ZNF678: variants seen among roughly 807,000 people sequenced by gnomAD.
The protein encoded by ZNF678 is zinc finger protein 678.
ZNF678 carries 5 observed loss-of-function variants against 3.0 expected under a neutral mutation model. The ratio of observed to expected loss-of-function variants is 1.69; its 90% CI spans 0.88 to 3.56. The LOEUF (loss-of-function observed/expected upper bound fraction) is 3.56, where lower values mean the gene tolerates loss of function less well. Among genes scored for constraint, ZNF678 ranks in the 30% most tolerant of loss-of-function variants. The probability of loss-of-function intolerance (pLI) is 0.00; values close to 1 mark genes in which losing one functional copy is unlikely to be tolerated. For synonymous variants in ZNF678, 218 were observed against 199.6 expected, an observed-to-expected ratio of 1.09 and a Z score of -0.78; for missense variants, 593 against 605.0, an observed-to-expected ratio of 0.98 and a Z score of 0.21.
rs368638184 is a variant in ZNF678 at position 227,615,426 on chromosome 1, T to G, written c.-163-31118T>G. Among the ~76,000 whole-genome samples, 65 of 152,292 alleles carry G rather than the reference T, an allele frequency of 4.3e-4. 1 individual carries two copies. The South Asian group carries it at 0.013, about 31-fold the overall frequency. Reference sequence around the variant, plus strand: ...GACAAGACCCAAAACTCAGGCTTGATCGGGCCACCTCCAAAATCAAGCTTT... The same window carrying G: ...GACAAGACCCAAAACTCAGGCTTGAGCGGGCCACCTCCAAAATCAAGCTTT... On this transcript the variant is annotated intron_variant, in intron 1 of 3. Transcript: ENST00000343776.
At position 227,568,739 on chromosome 1, in the gene ZNF678, A is replaced by G. The variant is rs1281855509; in HGVS notation, c.-164+5015A>G. On this transcript the variant is annotated intron_variant, in intron 1 of 3. Coordinates refer to ENST00000343776, the MANE Select transcript of ZNF678 (RefSeq NM_001367909.1). ...TATAGGTGGGTCCCTGGTGCATGTG[A>G]CTGGCCTTTGAAGTGTGGGCAGTGA... Among the ~76,000 whole-genome samples the G allele has an allele frequency of 2.0e-5, 3 of 152,152 alleles. No homozygotes were observed. The East Asian group carries it at 5.8e-4, about 29-fold the overall frequency.
At chr1:227,619,839 A>G (rs900384972) in intron 1 of ZNF678, among the ~76,000 whole-genome samples, 24 of 152,330 alleles carry the variant, frequency 1.6e-4, no homozygotes, top group Middle Eastern at 3.4e-3. Flanking sequence ...GAGCAGTTGG[A>G]TATAAATAAC....
chr1:227,629,878 C>T (rs1410577792), intron 1 of ZNF678, among the ~76,000 whole-genome samples: 5 of 152,116 alleles, frequency 3.3e-5, no homozygotes, highest in Non-Finnish European at 5.9e-5. Context: ...TTCAATTTGC[C>T]CAGCCTTTCC....
At chr1:227,575,939 A>G (rs1274002663) in intron 1 of ZNF678, among the ~76,000 whole-genome samples, 2 of 152,072 alleles carry the variant, frequency 1.3e-5, no homozygotes, top group African/African-American at 4.8e-5. Flanking sequence ...GTTTATTGAG[A>G]GTTTTAATCA....
intron 1 of ZNF678, among the ~76,000 whole-genome samples, chr1:227,615,879 A>G (rs2102765039): frequency 6.6e-6 from 1 of 152,036 alleles, no homozygotes; most frequent in East Asian, 1.9e-4. Context: ...TTCTTTTCTC[A>G]CCATTGGTAA....
intron 1 of ZNF678, among the ~76,000 whole-genome samples, chr1:227,570,456 G>C (rs1656809768): frequency 6.6e-6 from 1 of 152,116 alleles, no homozygotes; most frequent in African/African-American, 2.4e-5. Context: ...TAATCAAAGG[G>C]CCTGTCTTCT....
At position 227,600,030 on chromosome 1, in the gene ZNF678, T is replaced by C. The variant is rs114386837; in HGVS notation, c.-164+36306T>C. 4.0e-3 allele frequency among the ~76,000 whole-genome samples: 606 copies of C among 152,296 alleles called. 7 individuals are homozygous for C. The highest frequency in any genetic ancestry group is 0.014 in the African/African-American group (583 of 41,562). On this transcript the variant is annotated intron_variant, in intron 1 of 3. Transcript: ENST00000343776. ...TTCCCTTCTATGTGTCCGTGTGTTCTCATTTAGTTCTCCCTTAGGGAAATG... is the reference window on the plus strand; with the variant it reads ...TTCCCTTCTATGTGTCCGTGTGTTCCCATTTAGTTCTCCCTTAGGGAAATG...
At chr1:227,563,850 A>G (rs901182060) in intron 1 of ZNF678, 126 bp downstream of exon 1, 12 of 899,964 alleles carry the variant, frequency 1.3e-5, no homozygotes, top group African/African-American at 1.2e-4. Flanking sequence ...GGGCGGGGCC[A>G]GGCCGCCGCG....
intron 1 of ZNF678, among the ~76,000 whole-genome samples, chr1:227,606,709 G>A (rs1657881783): frequency 1.3e-5 from 2 of 151,978 alleles, no homozygotes; most frequent in South Asian, 4.2e-4. Flanking sequence ...GCCTTTCTTG[G>A]GCAGAGGTCC....
chr1:227,606,378 T>C (rs998544751), intron 1 of ZNF678, among the ~76,000 whole-genome samples: 4 of 152,202 alleles, frequency 2.6e-5, no homozygotes, highest in Admixed American at 2.0e-4. Flanking sequence ...TGTTTCTCTT[T>C]ACCCAAACAT....
At chr1:227,600,156 C>G (rs1657699866) in intron 1 of ZNF678, among the ~76,000 whole-genome samples, 1 of 152,104 alleles carries the variant, frequency 6.6e-6, no homozygotes, top group African/African-American at 2.4e-5. Flanking sequence ...TTTTTAATGG[C>G]TGCATAGTAT....
intron 1 of ZNF678, among the ~76,000 whole-genome samples, chr1:227,626,702 T>A (rs1571896941): frequency 6.6e-6 from 1 of 152,238 alleles, no homozygotes; most frequent in East Asian, 1.9e-4. Flanking sequence ...GGTGGGTTTC[T>A]TAGGTTAGCT....
chr1:227,649,381 G>C (rs1014855684), intron 2 of ZNF678, among the ~76,000 whole-genome samples: 1 of 152,110 alleles, frequency 6.6e-6, no homozygotes, highest in African/African-American at 2.4e-5. Context: ...ATGGAGTTTT[G>C]CTCTTGTTGC....
chr1:227,599,010 C>A (rs1207651528), intron 1 of ZNF678: 10 of 1,396,360 alleles, frequency 7.2e-6, no homozygotes, highest in Admixed American at 6.7e-5. Flanking sequence ...TTCTCCTCTT[C>A]TAGTTGCTCT....
intron 1 of ZNF678, among the ~76,000 whole-genome samples, chr1:227,637,690 G>C (rs972745430): frequency 2.0e-5 from 3 of 152,312 alleles, no homozygotes; most frequent in Non-Finnish European, 4.4e-5. Context: ...CAGGTTTTAA[G>C]GGCTCATGGA....
In ZNF678 at chr1:227,655,362, A is replaced by G; in HGVS notation, c.1112A>G (p.His371Arg). Residue 371 changes from histidine (H) to arginine (R), a missense_variant, in exon 4 of 4, where the codon CAT becomes CGT. His to Arg is a conservative substitution (Grantham distance 29). Coordinates refer to ENST00000343776, the MANE Select transcript of ZNF678 (RefSeq NM_001367909.1). ...AACCTCACTCAGCATAAAAGAATTCATACTGGAGAGAAACCCTACAAATGC... is the reference window on the plus strand; with the variant it reads ...AACCTCACTCAGCATAAAAGAATTCGTACTGGAGAGAAACCCTACAAATGC... ...FSNLTQHKRI[H>R]TGEKPYKCKE... 6.2e-7 allele frequency: 1 copy of G among 1,612,806 alleles called. No individual in the cohort carries two copies. The highest frequency in any genetic ancestry group is 8.5e-7 in the Non-Finnish European group (1 of 1,179,400).
At chr1:227,581,747 G>A (rs1353771307) in intron 1 of ZNF678, among the ~76,000 whole-genome samples, 1 of 152,124 alleles carries the variant, frequency 6.6e-6, no homozygotes, top group Non-Finnish European at 1.5e-5. Context: ...TTGTTGCCAA[G>A]GTAGTCACAT....
intron 1 of ZNF678, among the ~76,000 whole-genome samples, chr1:227,577,654 A>G (rs1449170561): frequency 6.6e-6 from 1 of 152,062 alleles, no homozygotes; most frequent in Admixed American, 6.5e-5. Flanking sequence ...GGGTCTCTTG[A>G]AGACAGCATA....
chr1:227,588,947 G>C (rs1425124724), intron 1 of ZNF678, among the ~76,000 whole-genome samples: 2 of 148,878 alleles, frequency 1.3e-5, no homozygotes, highest in African/African-American at 5.0e-5. Flanking sequence ...GTCTTCTTTT[G>C]AGAAGTGTCT....
Sources: allele counts gnomAD v4.1 joint callset (sites outside exome capture counted in the v4.1 genomes callset), GRCh38; gene constraint gnomAD v4.1.1; transcripts MANE v1.5; gene names NCBI Gene and HGNC (gene_info 2026-07-23, HGNC 2026-07-21).